The following LCOR variants were observed in gnomAD, a reference collection of about 807,000 sequenced individuals.
LCOR encodes ligand-dependent corepressor.
Under a neutral mutation model 64.4 loss-of-function variants are expected in LCOR, and 14 were observed. That is an observed-to-expected ratio of 0.22 (90% CI 0.14 to 0.34). LCOR has a LOEUF of 0.34. Among genes scored for constraint, LCOR ranks in the 10% least tolerant of loss-of-function variants. The pLI is 1.00. For synonymous variants in LCOR, 643 were observed against 642.5 expected, an observed-to-expected ratio of 1.00 and a Z score of -0.01; for missense variants, 1,686 against 1,765.3, an observed-to-expected ratio of 0.96 and a Z score of 0.80.
chr10:96,961,362 T>G (rs1847877842), intron 7 of LCOR: 1 of 152,064 alleles, frequency 6.6e-6, no homozygotes, highest in Admixed American at 6.6e-5. Context: ...GCAAATATTA[T>G]TATAATATTT....
intron 2 of LCOR, among the ~76,000 whole-genome samples, chr10:96,846,088 T>C (rs1845624490): frequency 6.6e-6 from 1 of 151,954 alleles, no homozygotes. Context: ...ACAGCTGTAA[T>C]CTTGGCTACT....
Position 96,981,835 on chromosome 10 carries a change from T to A in LCOR, c.1375T>A (p.Ser459Thr), listed in dbSNP as rs745799153. 4 of 1,614,206 alleles carry A rather than the reference T, an allele frequency of 2.5e-6. No homozygotes were observed. The highest frequency in any genetic ancestry group is 3.4e-6 in the Non-Finnish European group (4 of 1,180,036). The part of the protein sequence containing the change: ...IKTARKSKRA[S>T]GLRINDYDNQ... ...GACAGCTCGGAAAAGTAAAAGGGCA[T>A]CAGGGCTGAGGATAAATGATTATGA... The change falls in exon 8 of 8, where the codon TCA becomes ACA. Residue 459 changes from serine to threonine, a missense_variant. By Grantham distance (58) the Ser-to-Thr change is moderately conservative. Transcript: ENST00000421806.
chr10:96,849,015 T>TA (rs1270095482), intron 2 of LCOR, among the ~76,000 whole-genome samples: 1 of 150,076 alleles, frequency 6.7e-6, no homozygotes, highest in Non-Finnish European at 1.5e-5. Context: ...GAAAATGTTT[T>TA]TTTTTTTTTT....
intron 1 of LCOR, chr10:96,833,074 A>C: frequency 2.0e-6 from 2 of 986,200 alleles, no homozygotes; most frequent in Non-Finnish European, 2.4e-6. Context: ...GCACTTCCTC[A>C]GCGGGCGGCG....
At chr10:96,925,053 T>A (rs1240861683) in intron 4 of LCOR, among the ~76,000 whole-genome samples, 1 of 150,618 alleles carries the variant, frequency 6.6e-6, no homozygotes, top group Non-Finnish European at 1.5e-5. Context: ...TATTTATTTA[T>A]TTTATTTATT....
intron 4 of LCOR, among the ~76,000 whole-genome samples, chr10:96,917,369 T>C (rs1181241768): frequency 1.3e-5 from 2 of 152,230 alleles, no homozygotes; most frequent in Non-Finnish European, 2.9e-5. Context: ...ATTAGACTTG[T>C]AATCTATAAG....
chr10:96,904,024 GA>G (rs1215178797), intron 2 of LCOR, among the ~76,000 whole-genome samples: 1 of 152,180 alleles, frequency 6.6e-6, no homozygotes, highest in Non-Finnish European at 1.5e-5. Context: ...AGAAAGCAGA[GA>G]AGACATTAGG....
intron 2 of LCOR, among the ~76,000 whole-genome samples, chr10:96,891,647 G>C (rs1293675771): frequency 7.3e-6 from 1 of 137,412 alleles, no homozygotes; most frequent in African/African-American, 2.7e-5. Flanking sequence ...GGTTCAAGCA[G>C]TTCTCCTGTC....
chr10:96,943,734 A>AT (rs200048149), intron 4 of LCOR, among the ~76,000 whole-genome samples: 2,145 of 149,004 alleles, frequency 0.014, 79 homozygotes, highest in Admixed American at 0.081. Context: ...TTCAAAAAAA[A>AT]TTTTTTTTTT....
At chr10:96,844,788 A>T (rs962048868) in intron 2 of LCOR, among the ~76,000 whole-genome samples, 11 of 152,342 alleles carry the variant, frequency 7.2e-5, no homozygotes, top group African/African-American at 2.4e-4. Flanking sequence ...CTACGCCTAC[A>T]GAGTCTTCTG....
At chr10:96,976,501 A>G (rs190071027) in intron 7 of LCOR, among the ~76,000 whole-genome samples, 3 of 152,242 alleles carry the variant, frequency 2.0e-5, no homozygotes, top group East Asian at 3.9e-4. Context: ...GTGGCTGTCT[A>G]ATGGGGACTA....
At position 96,986,787 on chromosome 10, in the gene LCOR, G is replaced by C. The variant is rs1343251717; in HGVS notation, c.*1653G>C. On this transcript the variant is annotated 3_prime_UTR_variant, in exon 8 of 8. Coordinates refer to ENST00000421806, the MANE Select transcript of LCOR (RefSeq NM_001346516.2). ...CCAAAATCAGCTTGTATGGACAGCT[G>C]CTGCCCTGTCCTTTTTATTTGAAAA... 1 of 152,190 alleles carries C rather than the reference G, an allele frequency of 6.6e-6. No individual in the cohort carries two copies. Among genetic ancestry groups the C allele is most frequent in the Non-Finnish European group, 1.5e-5 (1 of 68,034 alleles). The allele number at this position is 152,190 out of a possible 1,614,324, so 9.4% of individuals were successfully genotyped here. A position where few individuals can be genotyped will look rare whatever the true frequency, so the allele number is the denominator to read the frequency against.
At chr10:96,935,292 G>A (rs544774336) in intron 4 of LCOR, among the ~76,000 whole-genome samples, 1 of 151,828 alleles carries the variant, frequency 6.6e-6, no homozygotes, top group South Asian at 2.1e-4. Context: ...AGAATTACAG[G>A]TACGTGCCAC....
chr10:96,925,868 T>C (rs938574034), intron 4 of LCOR, among the ~76,000 whole-genome samples: 6 of 152,208 alleles, frequency 3.9e-5, no homozygotes, highest in Non-Finnish European at 8.8e-5. Flanking sequence ...TCTTCTGTAT[T>C]TTTTAGTTAG....
At chr10:96,840,727 T>C (rs1054154849) in intron 2 of LCOR, among the ~76,000 whole-genome samples, 2 of 152,356 alleles carry the variant, frequency 1.3e-5, no homozygotes, top group East Asian at 1.9e-4. Context: ...AAATGTTTTC[T>C]AGAGCTTAAA....
chr10:96,950,155 G>A (rs2134524347), intron 6 of LCOR, among the ~76,000 whole-genome samples: 1 of 152,244 alleles, frequency 6.6e-6, no homozygotes, highest in East Asian at 1.9e-4. Flanking sequence ...TATACAGAAA[G>A]GTTACGAGAT....
chr10:96,860,607 A>G (rs992668845), intron 2 of LCOR, among the ~76,000 whole-genome samples: 3 of 152,250 alleles, frequency 2.0e-5, no homozygotes, highest in Non-Finnish European at 2.9e-5. Context: ...AGTCCTAGAA[A>G]GCTAATACAG....
intron 2 of LCOR, among the ~76,000 whole-genome samples, chr10:96,892,548 A>C (rs952159325): frequency 6.6e-6 from 1 of 152,042 alleles, no homozygotes; most frequent in Non-Finnish European, 1.5e-5. Context: ...AGGATGAGGG[A>C]TCTCTCTTGG....
At chr10:96,911,795 C>T (rs74850700) in intron 4 of LCOR, among the ~76,000 whole-genome samples, 1 of 152,146 alleles carries the variant, frequency 6.6e-6, no homozygotes, top group South Asian at 2.1e-4. Flanking sequence ...ATAAAGTAGG[C>T]ACTCTAAAAT....
Sources: gnomAD v4.1 joint callset for allele counts (sites outside exome capture counted in the v4.1 genomes callset) on GRCh38, gnomAD v4.1.1 for gene constraint, MANE v1.5 for transcripts, NCBI Gene and HGNC (gene_info 2026-07-23, HGNC 2026-07-21) for gene names.